DNAJC9: variants seen among roughly 807,000 people sequenced by gnomAD.
DNAJC9 encodes DnaJ heat shock protein family (Hsp40) member C9.
A neutral mutation model predicts 32.4 loss-of-function variants in DNAJC9; 18 were observed. The ratio of observed to expected loss-of-function variants is 0.56; its 90% confidence interval spans 0.38 to 0.82. The LOEUF is 0.82. DNAJC9 is among the 40% of genes least tolerant of loss of function. The probability of loss-of-function intolerance (pLI) is 0.00; values close to 1 mark genes in which losing one functional copy is unlikely to be tolerated. For synonymous variants in DNAJC9, 113 were observed against 122.1 expected (o/e 0.93, Z 0.49); for missense variants, 310 against 321.8 (o/e 0.96, Z 0.28).
intron 2 of DNAJC9, among the ~76,000 whole-genome samples, chr10:73,246,469 C>CA (rs1172841718): frequency 4.6e-5 from 7 of 151,290 alleles, no homozygotes; most frequent in Non-Finnish European, 7.4e-5. Context: ...GCGCATCCGG[C>CA]AAAAAAAATA....
At chr10:73,246,373 G>T (rs1214002862) in intron 2 of DNAJC9, among the ~76,000 whole-genome samples, 197 bp from the exon 3 acceptor site, 2 of 152,040 alleles carry the variant, frequency 1.3e-5, no homozygotes, top group Non-Finnish European at 2.9e-5. Flanking sequence ...TGCTAACTAG[G>T]GACCAGGGAA....
At chr10:73,246,946 G>C in intron 1 of DNAJC9, 64 bp downstream of exon 1, 7 of 1,566,308 alleles carry the variant, frequency 4.5e-6, no homozygotes, top group Non-Finnish European at 6.1e-6. Context: ...GGCGGGGCCC[G>C]GTAGCCAAAA....
chr10:73,234,973 T>G (rs540559624), downstream of DNAJC9: 14 of 1,549,310 alleles, frequency 9.0e-6, no homozygotes, highest in East Asian at 3.4e-4. Flanking sequence ...CTCCATGTAC[T>G]TACCATACAA....
At chr10:73,232,636 C>T (rs1478723407) in intron 2 of DNAJC9, among the ~76,000 whole-genome samples, 1 of 152,220 alleles carries the variant, frequency 6.6e-6, no homozygotes, top group East Asian at 1.9e-4. Context: ...GTCCTTCAGG[C>T]TTGCCTTCAC....
chr10:73,235,488 T>A (rs894707403), downstream of DNAJC9: 4 of 1,404,236 alleles, frequency 2.8e-6, no homozygotes, highest in African/African-American at 4.4e-5. Flanking sequence ...TTCTAACTAG[T>A]CCCTGATGCC....
At chr10:73,236,826 T>G (rs923946087), downstream of DNAJC9, among the ~76,000 whole-genome samples, 1 of 149,840 alleles carries the variant, frequency 6.7e-6, no homozygotes, top group Admixed American at 6.6e-5. Flanking sequence ...AGTGATCATC[T>G]CACCTCAGCC....
rs2043754700 is a variant in DNAJC9 at position 73,233,327 on chromosome 10, T to C, written n.147+10516A>G. ...TTAGATCCAACACAAAATTTTTTAA[T>C]GTGGTTAAATTTTATTTTATTTTAT... On this transcript the variant is annotated intron_variant and non_coding_transcript_variant, in intron 2 of 2. Transcript: ENST00000469143. 20 of 603,726 alleles carry C rather than the reference T, an allele frequency of 3.3e-5. 1 individual carries two copies. The South Asian group carries it at 3.9e-4, about 12-fold the overall frequency. 37.4% of individuals were successfully genotyped at this position (603,726 alleles called of 1,614,324 possible).
intron 2 of DNAJC9, 78 bp from the exon 3 acceptor site, chr10:73,246,254 G>C: frequency 2.0e-6 from 3 of 1,474,638 alleles, no homozygotes; most frequent in Non-Finnish European, 2.8e-6. Flanking sequence ...CTAGAGTTGG[G>C]TGTTGAATTG....
intron 4 of DNAJC9, 125 bp from the exon 5 acceptor site, chr10:73,243,644 A>C (rs2043977565): frequency 7.7e-7 from 1 of 1,303,832 alleles, no homozygotes; most frequent in African/African-American, 1.5e-5. Flanking sequence ...TGGAATGGTG[A>C]AAATGTCCTA....
chr10:73,235,604 A>G (rs2043803541), downstream of DNAJC9: 1 of 431,392 alleles, frequency 2.3e-6, no homozygotes, highest in Non-Finnish European at 3.8e-6. Context: ...CACATCAGAT[A>G]AGCATAACTT....
chr10:73,237,455 C>T (rs1422334418), downstream of DNAJC9, among the ~76,000 whole-genome samples: 4 of 151,472 alleles, frequency 2.6e-5, no homozygotes, highest in African/African-American at 7.3e-5. Context: ...CTTACTCTGT[C>T]GCCCAGGCTA....
chr10:73,233,162 G>T (rs1323176575), intron 2 of DNAJC9: 3 of 1,549,038 alleles, frequency 1.9e-6, no homozygotes, highest in East Asian at 4.9e-5. Flanking sequence ...AGGAGCCCGA[G>T]TGTAGGTTTC....
chr10:73,246,231 T>G, intron 2 of DNAJC9, 55 bp from the exon 3 acceptor site: 1 of 1,565,560 alleles, frequency 6.4e-7, no homozygotes, highest in Non-Finnish European at 8.6e-7. Flanking sequence ...AAATAAAACG[T>G]ACGTTAGTAA....
chr10:73,235,160 T>C (rs746770486), downstream of DNAJC9: 11 of 1,549,266 alleles, frequency 7.1e-6, no homozygotes, highest in African/African-American at 1.4e-4. Flanking sequence ...CAGATAGTTT[T>C]CACTGTTTCT....
chr10:73,245,866 C>A, intron 3 of DNAJC9, 56 bp downstream of exon 3: 1 of 1,593,702 alleles, frequency 6.3e-7, no homozygotes, highest in Non-Finnish European at 8.5e-7. Context: ...TGTAAATACT[C>A]TCAAATCCTT....
intron 3 of DNAJC9, among the ~76,000 whole-genome samples, chr10:73,244,903 A>C (rs1349040038): frequency 6.6e-6 from 1 of 152,096 alleles, no homozygotes; most frequent in Non-Finnish European, 1.5e-5. Flanking sequence ...TCTCTCTTTA[A>C]ATTCAGCATC....
chr10:73,236,413 C>CTT (rs571460371), downstream of DNAJC9, among the ~76,000 whole-genome samples: 62 of 133,288 alleles, frequency 4.7e-4, 1 homozygote, highest in East Asian at 1.5e-3. Flanking sequence ...CAATTTCTGC[C>CTT]TTTTTTTTTT....
rs1233151424 is a variant in DNAJC9 at position 73,233,009 on chromosome 10, C to T, written n.147+10834G>A. On this transcript the variant is annotated intron_variant and non_coding_transcript_variant, in intron 2 of 2. Coordinates refer to the DNAJC9 transcript ENST00000469143. ...CCTTTCAACTCGAAATTGGCCAAAT[C>T]GAGCTGTGGAGTTTAGTACATCATC... 8.4e-6 allele frequency: 13 copies of T among 1,551,882 alleles called. No individual in the cohort carries two copies. The highest frequency in any genetic ancestry group is 7.3e-5 in the East Asian group (3 of 40,914).
At chr10:73,241,109 A>T, downstream of DNAJC9, 3 of 784,958 alleles carry the variant, frequency 3.8e-6, no homozygotes, top group Non-Finnish European at 4.4e-6. Flanking sequence ...CTTGTATAGA[A>T]GATCGACTAG....
Sources: allele counts gnomAD v4.1 joint callset (sites outside exome capture counted in the v4.1 genomes callset), GRCh38; gene constraint gnomAD v4.1.1; transcripts MANE v1.5; gene names NCBI Gene and HGNC (gene_info 2026-07-23, HGNC 2026-07-21).